Variants in CNOT11 observed in about 807,000 individuals in gnomAD.
The protein encoded by CNOT11 is UPF0760 protein C2orf29.
In CNOT11, 18 loss-of-function variants were observed where a neutral mutation model predicts 44.6. The ratio of observed to expected loss-of-function variants is 0.40; its 90% confidence interval spans 0.28 to 0.60. The LOEUF (loss-of-function observed/expected upper bound fraction) is 0.60. Among genes scored for constraint, CNOT11 ranks in the 20% least tolerant of loss-of-function variants. The probability of loss-of-function intolerance (pLI) is 0.38; values close to 1 mark genes in which losing one functional copy is unlikely to be tolerated. For synonymous variants in CNOT11, 291 were observed against 270.9 expected (o/e 1.07, Z -0.73); for missense variants, 513 against 677.0 (o/e 0.76, Z 2.69).
intron 1 of CNOT11, among the ~76,000 whole-genome samples, chr2:101,255,412 G>A (rs1208367872): frequency 1.3e-5 from 2 of 151,896 alleles, no homozygotes; most frequent in Non-Finnish European, 2.9e-5. Flanking sequence ...GGAGAATGGC[G>A]TGAACCTGGG....
At chr2:101,266,654 C>CTT in intron 4 of CNOT11, 23 bp from the exon 5 acceptor site, 1 of 1,585,748 alleles carries the variant, frequency 6.3e-7, no homozygotes, top group Non-Finnish European at 8.7e-7. Flanking sequence ...CTCTCTCTCT[C>CTT]TTTAAAAATC....
intron 1 of CNOT11, among the ~76,000 whole-genome samples, chr2:101,254,902 C>T (rs1681704661): frequency 6.6e-6 from 1 of 152,052 alleles, no homozygotes; most frequent in Admixed American, 6.6e-5. Context: ...CCCTAGGGTG[C>T]TTGTATTAGA....
At position 101,269,142 on chromosome 2, in the gene CNOT11, A is replaced by G; in HGVS notation, c.1335+6A>G. The G allele has an allele frequency of 6.3e-7, 1 of 1,598,858 alleles. No individual in the cohort carries two copies. Among genetic ancestry groups the G allele is most frequent in the East Asian group, 2.2e-5 (1 of 44,776 alleles). On this transcript the variant is annotated splice_donor_region_variant and intron_variant, in intron 6 of 6. Coordinates refer to ENST00000289382, the MANE Select transcript of CNOT11 (RefSeq NM_017546.5). This position sits in a 1 kb window ranked among gnomAD's most constrained non-coding sequence, Gnocchi z 4.8. The stretch of plus-strand genomic sequence containing the variant: ...TTAAGGATAAATATATGCAGGTAAT[A>G]TAAATTTTTGTAAATTTTATAAATG...
chr2:101,255,539 T>C (rs1426818783), intron 1 of CNOT11, among the ~76,000 whole-genome samples: 1 of 151,838 alleles, frequency 6.6e-6, no homozygotes, highest in Non-Finnish European at 1.5e-5. Flanking sequence ...TATTATACCA[T>C]TATTAAAGTA....
rs1261484595 is a variant in CNOT11, at chr2:101,253,515, T to G, written c.514+37T>G. On this transcript the variant is annotated intron_variant, in intron 1 of 6. Transcript: ENST00000289382. This position sits in a 1 kb window ranked among gnomAD's most constrained non-coding sequence, Gnocchi z 4.3. ...AGCCAGCTGTGCCGTGTGGATAGCG[T>G]TAGATTCCGCAGCTTTCCACCTGCG... 1 of 1,401,316 alleles carries G rather than the reference T, an allele frequency of 7.1e-7. No individual in the cohort carries two copies. The highest frequency in any genetic ancestry group is 1.5e-5 in the African/African-American group (1 of 65,872). The allele number at this position is 1,401,316 out of a possible 1,614,324, so 86.8% of individuals were successfully genotyped here.
chr2:101,266,701 C>T lies in CNOT11; in HGVS notation c.1060C>T (p.Pro354Ser). ...TQLLGELEKD[P>S]KLVYHIGLTP... ...GCTACTTGGTGAGTTGGAAAAAGACCCCAAACTTGTCTACCATATTGGCCT... is the reference window on the plus strand; with the variant it reads ...GCTACTTGGTGAGTTGGAAAAAGACTCCAAACTTGTCTACCATATTGGCCT... Residue 354 changes from proline (P) to serine (S), a missense_variant, in exon 5 of 7, where the codon CCC (proline) becomes TCC (serine). Coordinates refer to ENST00000289382, the MANE Select transcript of CNOT11 (RefSeq NM_017546.5). 3.1e-6 allele frequency: 5 copies of T among 1,613,990 alleles called. No homozygotes were observed. Among genetic ancestry groups the T allele is most frequent in the Non-Finnish European group, 4.2e-6 (5 of 1,179,934 alleles).
intron 3 of CNOT11, 107 bp from the exon 4 acceptor site, chr2:101,264,738 T>A: frequency 3.5e-6 from 3 of 865,084 alleles, no homozygotes; most frequent in Non-Finnish European, 5.6e-6. Context: ...TCTAGTCACA[T>A]CATCCTTATT....
Position 101,252,937 on chromosome 2 carries a change from C to A in CNOT11, c.-28C>A. 1 of 1,415,362 alleles carries A rather than the reference C, an allele frequency of 7.1e-7. No individual in the cohort carries two copies. Among genetic ancestry groups the A allele is most frequent in the South Asian group, 1.5e-5 (1 of 66,782 alleles). 87.7% of individuals were successfully genotyped at this position (1,415,362 alleles called of 1,614,324 possible). A position where few individuals can be genotyped will look rare whatever the true frequency, so the allele number is the denominator to read the frequency against. Reference sequence around the variant, plus strand: ...GAGCCGGCGCCAGGGCCCCTCGGGCCGGGAAGAGGGGAAGGGGAGCGAGGT... The same window carrying A: ...GAGCCGGCGCCAGGGCCCCTCGGGCAGGGAAGAGGGGAAGGGGAGCGAGGT... On this transcript the variant is annotated 5_prime_UTR_variant, in exon 1 of 7. Coordinates refer to ENST00000289382, the MANE Select transcript of CNOT11 (RefSeq NM_017546.5).
At position 101,264,867 on chromosome 2, in the gene CNOT11, T is replaced by G; in HGVS notation, c.855T>G (p.Ile285Met). 2 of 1,614,150 alleles carry G rather than the reference T, an allele frequency of 1.2e-6. No individual in the cohort carries two copies. The highest frequency in any genetic ancestry group is 1.7e-6 in the Non-Finnish European group (2 of 1,180,020). ...CAGGCCATTTTCGACCAGAGTTTAT[T>G]CGTCCACCGCCTCCACTCCACATTT... ...PIESHFRPEF[I>M]RPPPPLHICE... The change falls in exon 4 of 7, where the codon ATT becomes ATG. Residue 285 changes from isoleucine (I) to methionine (M), a missense_variant. Ile to Met is a conservative substitution (Grantham distance 10, BLOSUM62 1). Around this residue, in one of 4 missense-constraint regions of CNOT11, gnomAD observed 140 missense variants for 169.8 expected, o/e 0.82. Transcript: ENST00000289382.
In CNOT11 at chr2:101,257,722, A is replaced by T. The variant is rs1681765449; in HGVS notation, c.515-69A>T. On this transcript the variant is annotated intron_variant, in intron 1 of 6. Transcript: ENST00000289382. ...TTGAAGTGGCAAGTAGCAAGTACTG[A>T]TTTTACCAGATTCAAGTTGATTTTT... 7.4e-6 allele frequency: 10 copies of T among 1,355,480 alleles called. No individual in the cohort carries two copies. In the East Asian group the frequency reaches 2.3e-4, roughly 31 times the overall value. 84.0% of individuals were successfully genotyped at this position (1,355,480 alleles called of 1,614,324 possible). A position where few individuals can be genotyped will look rare whatever the true frequency, so the allele number is the denominator to read the frequency against.
chr2:101,260,502 C>T (rs1027055805), intron 2 of CNOT11, among the ~76,000 whole-genome samples: 1 of 152,074 alleles, frequency 6.6e-6, no homozygotes, highest in African/African-American at 2.4e-5. Flanking sequence ...TGCAGATGTC[C>T]GGATCCATTC....
intron 1 of CNOT11, among the ~76,000 whole-genome samples, chr2:101,257,393 C>CAA (rs574971165): frequency 0.015 from 1,107 of 74,346 alleles, 14 homozygotes; most frequent in African/African-American, 0.052. Context: ...GACTTCATCT[C>CAA]AAAAAAAAAA....
chr2:101,257,112 G>A (rs1407150060), intron 1 of CNOT11, among the ~76,000 whole-genome samples: 1 of 151,934 alleles, frequency 6.6e-6, no homozygotes, highest in African/African-American at 2.4e-5. Context: ...GAAACACCAG[G>A]CGGGGCACGG....
chr2:101,265,860 C>G (rs1384316588), intron 4 of CNOT11, among the ~76,000 whole-genome samples: 1 of 152,192 alleles, frequency 6.6e-6, no homozygotes. Context: ...GGCAAGGCCA[C>G]TCTTCTATTG....
intron 5 of CNOT11, among the ~76,000 whole-genome samples, chr2:101,267,670 G>A (rs1322543560): frequency 6.6e-6 from 1 of 152,124 alleles, no homozygotes; most frequent in East Asian, 1.9e-4. Flanking sequence ...GATGTGTGCT[G>A]TACAGTGTTT....
At chr2:101,266,123 T>C (rs1045637770) in intron 4 of CNOT11, among the ~76,000 whole-genome samples, 1 of 152,218 alleles carries the variant, frequency 6.6e-6, no homozygotes, top group Non-Finnish European at 1.5e-5. Context: ...TGAGGATACC[T>C]GTTTGAATTA....
At position 101,262,695 on chromosome 2, in the gene CNOT11, G is replaced by A; in HGVS notation, c.832+4G>A. 2 of 1,611,770 alleles carry A rather than the reference G, an allele frequency of 1.2e-6. No individual in the cohort carries two copies. Among genetic ancestry groups the A allele is most frequent in the Non-Finnish European group, 8.5e-7 (1 of 1,178,670 alleles). ...GGACCAAAGCCACCTATTGAAAGTAGGTACATATAAATTAATTTATACTCT... is the reference window on the plus strand; with the variant it reads ...GGACCAAAGCCACCTATTGAAAGTAAGTACATATAAATTAATTTATACTCT... On this transcript the variant is annotated splice_donor_region_variant and intron_variant, in intron 3 of 6. Coordinates refer to ENST00000289382, the MANE Select transcript of CNOT11 (RefSeq NM_017546.5).
Position 101,269,612 on chromosome 2 carries a change from T to C in CNOT11, c.*199T>C, listed in dbSNP as rs1485919406. 1 of 473,878 alleles carries C rather than the reference T, an allele frequency of 2.1e-6. No individual in the cohort carries two copies. Among genetic ancestry groups the C allele is most frequent in the African/African-American group, 2.0e-5 (1 of 50,712 alleles). 29.4% of individuals were successfully genotyped at this position (473,878 alleles called of 1,614,324 possible). ...TAAGAACTAGGGAAAACATGTCTTT[T>C]AGGTGTCTTGCTGATGACTATCCAT... is the stretch of plus-strand genomic sequence containing the variant. On this transcript the variant is annotated 3_prime_UTR_variant, in exon 7 of 7. Transcript: ENST00000289382. The surrounding 1 kb of genome is among the most constrained non-coding windows in gnomAD (Gnocchi z 4.8).
chr2:101,260,307 A>G (rs986305061), intron 2 of CNOT11, among the ~76,000 whole-genome samples: 5 of 151,934 alleles, frequency 3.3e-5, no homozygotes, highest in African/African-American at 9.7e-5. Flanking sequence ...GTATTTAAAT[A>G]GTAATTTTTT....
Sources: gnomAD v4.1 joint callset for allele counts (sites outside exome capture counted in the v4.1 genomes callset) on GRCh38, gnomAD v4.1.1 for gene constraint, gnomAD v4.1.1 regional missense constraint, Gnocchi (gnomAD v3.1) non-coding constraint, MANE v1.5 for transcripts, NCBI Gene and HGNC (gene_info 2026-07-23, HGNC 2026-07-21) for gene names.